The following RIC8B variants were observed in gnomAD, a reference collection of about 807,000 sequenced individuals.
The protein encoded by RIC8B is RIC8 guanine nucleotide exchange factor B, also known as chaperone Ric-8B.
RIC8B carries 16 observed loss-of-function variants against 57.5 expected under a neutral mutation model. The observed-to-expected ratio is 0.28, with a 90% CI of 0.19 to 0.42. The LOEUF (loss-of-function observed/expected upper bound fraction) is 0.42, where lower values mean the gene tolerates loss of function less well. Among genes scored for constraint, RIC8B ranks in the 10% least tolerant of loss-of-function variants. RIC8B has a pLI of 1.00. For missense variants in RIC8B, 481 were observed against 677.0 expected, an observed-to-expected ratio of 0.71 and a Z score of 3.21; for synonymous variants, 216 against 250.8, an observed-to-expected ratio of 0.86 and a Z score of 1.31.
chr12:106,837,488 G>A (rs887307994), intron 4 of RIC8B, among the ~76,000 whole-genome samples: 6 of 151,990 alleles, frequency 3.9e-5, no homozygotes, highest in African/African-American at 1.2e-4. Flanking sequence ...TTCTGTCCAT[G>A]CCAGAGAATA....
rs951108997 is a variant in RIC8B at position 106,879,942 on chromosome 12, T to C, written c.1572-5962T>C. 1 of 985,434 alleles carries C rather than the reference T, an allele frequency of 1.0e-6. No individual in the cohort carries two copies. The allele number at this position is 985,434 out of a possible 1,614,324, so 61.0% of individuals were successfully genotyped here. A position where few individuals can be genotyped will look rare whatever the true frequency, so the allele number is the denominator to read the frequency against. ...CTTGTGTTAAGGCCTGTGTGTAGCATTGAAGGTAAGTATGAAGGAGTTGTT... is the reference window on the plus strand; with the variant it reads ...CTTGTGTTAAGGCCTGTGTGTAGCACTGAAGGTAAGTATGAAGGAGTTGTT... On this transcript the variant is annotated intron_variant, in intron 9 of 9. Transcript: ENST00000392837. The surrounding 1 kb of genome is among the most constrained non-coding windows in gnomAD (Gnocchi z 4.9).
At chr12:106,871,493 A>AAAAC (rs1950417725) in intron 9 of RIC8B, 1 of 134,806 alleles carries the variant, frequency 7.4e-6, no homozygotes, top group African/African-American at 3.0e-5. Context: ...AAAAAAAAAA[A>AAAAC]AAAAACCAAA....
chr12:106,778,964 A>G (rs2043617340), intron 1 of RIC8B, among the ~76,000 whole-genome samples: 1 of 152,118 alleles, frequency 6.6e-6, no homozygotes, highest in South Asian at 2.1e-4. Flanking sequence ...CCCAGGCTGG[A>G]GTGCAATGGC....
chr12:106,829,179 G>A (rs962780758), intron 4 of RIC8B, among the ~76,000 whole-genome samples: 3 of 152,172 alleles, frequency 2.0e-5, no homozygotes, highest in Admixed American at 1.3e-4. Flanking sequence ...GTAACAGGTA[G>A]GTTGTTGGTA....
At chr12:106,824,513 G>T (rs1047187056) in intron 3 of RIC8B, among the ~76,000 whole-genome samples, 6 of 152,148 alleles carry the variant, frequency 3.9e-5, no homozygotes, top group Admixed American at 1.3e-4. Flanking sequence ...TCCTAGAAGG[G>T]TTATGTGAGT....
At chr12:106,787,091 T>A (rs1313395975) in intron 2 of RIC8B, among the ~76,000 whole-genome samples, 1 of 152,180 alleles carries the variant, frequency 6.6e-6, no homozygotes, top group African/African-American at 2.4e-5. Flanking sequence ...AGAAAAAAAC[T>A]AACATTTTCA....
At chr12:106,833,880 C>T (rs539291458) in intron 4 of RIC8B, among the ~76,000 whole-genome samples, 1 of 152,186 alleles carries the variant, frequency 6.6e-6, no homozygotes, top group South Asian at 2.1e-4. Context: ...CAAGTGAGTT[C>T]TCACTCTGTG....
In RIC8B at chr12:106,789,187, C is replaced by G. The variant is rs527443758; in HGVS notation, c.132+5143C>G. The stretch of plus-strand genomic sequence containing the variant: ...AGAGTCACCTTTGCTCCACTTGCAA[C>G]AAGTTTCCTCATCTCCATCTGAGAC... On this transcript the variant is annotated intron_variant, in intron 2 of 9. Coordinates refer to ENST00000392837, the MANE Select transcript of RIC8B (RefSeq NM_001330145.2). 1.2e-4 allele frequency among the ~76,000 whole-genome samples: 18 copies of G among 152,330 alleles called. No individual in the cohort carries two copies. In the East Asian group the frequency reaches 2.9e-3, roughly 24 times the overall value.
intron 9 of RIC8B, among the ~76,000 whole-genome samples, chr12:106,876,746 G>A (rs1200927615): frequency 6.6e-6 from 1 of 152,062 alleles, no homozygotes; most frequent in Non-Finnish European, 1.5e-5. Context: ...TTTTTGACTA[G>A]TAGAGGAACA....
chr12:106,778,721 C>T (rs746223693), intron 1 of RIC8B, among the ~76,000 whole-genome samples: 2 of 152,092 alleles, frequency 1.3e-5, no homozygotes, highest in Non-Finnish European at 2.9e-5. Flanking sequence ...GTTGCCTTTA[C>T]CCTGTCTCTT....
chr12:106,801,725 C>A (rs1348530787), intron 2 of RIC8B, among the ~76,000 whole-genome samples: 2 of 152,146 alleles, frequency 1.3e-5, no homozygotes, highest in African/African-American at 4.8e-5. Context: ...AGAATCCTCC[C>A]AGAACCTTTA....
rs557544530 is a variant in RIC8B at position 106,815,193 on chromosome 12, G to A, written c.630G>A (p.Ser210=). ...FSIKWTDEYE[S]AIDHNGPPLS... is the part of the protein sequence containing the mutation. ...TCAAGTGGACCGATGAGTATGAATC[G>A]GCCATAGACCATAATGGACCTCCTC... The change falls in exon 3 of 10, where the codon TCG becomes TCA. Residue 210 remains serine (S), a synonymous_variant. Transcript: ENST00000392837. 3.3e-5 allele frequency: 54 copies of A among 1,614,202 alleles called. 1 individual carries two copies. The East Asian group carries it at 4.0e-4, about 12-fold the overall frequency.
At chr12:106,786,902 T>C (rs1184898669) in intron 2 of RIC8B, among the ~76,000 whole-genome samples, 1 of 152,218 alleles carries the variant, frequency 6.6e-6, no homozygotes, top group African/African-American at 2.4e-5. Flanking sequence ...GGAAGATCCA[T>C]ACTATATCCA....
intron 4 of RIC8B, among the ~76,000 whole-genome samples, chr12:106,829,175 G>A (rs1206949416): frequency 2.0e-5 from 3 of 152,194 alleles, no homozygotes; most frequent in African/African-American, 7.2e-5. Context: ...AATGGTAACA[G>A]GTAGGTTGTT....
chr12:106,818,368 G>A (rs1315008376), intron 3 of RIC8B, among the ~76,000 whole-genome samples: 1 of 152,130 alleles, frequency 6.6e-6, no homozygotes, highest in East Asian at 1.9e-4. Flanking sequence ...GTTTTACCAT[G>A]TTGGCCAGGC....
chr12:106,868,362 T>C, intron 8 of RIC8B: 2 of 456,700 alleles, frequency 4.4e-6, no homozygotes, highest in Non-Finnish European at 8.8e-6. Flanking sequence ...ATCTACATAG[T>C]TAATACATCT....
chr12:106,781,246 G>A (rs1593066325), intron 1 of RIC8B, among the ~76,000 whole-genome samples: 1 of 152,002 alleles, frequency 6.6e-6, no homozygotes, highest in Admixed American at 6.6e-5. Flanking sequence ...CACCATGCCC[G>A]GCCAATTTAA....
intron 6 of RIC8B, 51 bp from the exon 7 acceptor site, chr12:106,851,395 CCTCA>C: frequency 7.0e-7 from 1 of 1,438,212 alleles, no homozygotes; most frequent in South Asian, 1.2e-5. Context: ...ATTGTACCAT[CCTCA>C]CTCACTCTAG....
intron 2 of RIC8B, among the ~76,000 whole-genome samples, chr12:106,789,996 C>G (rs984973177): frequency 2.0e-5 from 3 of 151,452 alleles, no homozygotes; most frequent in African/African-American, 4.8e-5. Context: ...ATCTTTAGAC[C>G]TAATTCCTGA....
Sources: allele counts gnomAD v4.1 joint callset (sites outside exome capture counted in the v4.1 genomes callset), GRCh38; gene constraint gnomAD v4.1.1; non-coding constraint Gnocchi (gnomAD v3.1); transcripts MANE v1.5; gene names NCBI Gene and HGNC (gene_info 2026-07-23, HGNC 2026-07-21).